Variants in GPR19 observed in about 807,000 individuals in gnomAD.
The protein encoded by GPR19 is probable G protein-coupled receptor 19.
A neutral mutation model predicts 28.5 loss-of-function variants in GPR19; 14 were observed. The ratio of observed to expected loss-of-function variants is 0.49; its 90% CI spans 0.32 to 0.77. The LOEUF is 0.77. Ranked by LOEUF, GPR19 falls within the 30% of genes least tolerant of loss-of-function variation. The pLI is 0.03. For synonymous variants in GPR19, 173 were observed against 184.1 expected, an observed-to-expected ratio of 0.94 and a Z score of 0.49; for missense variants, 409 against 504.1, an observed-to-expected ratio of 0.81 and a Z score of 1.81.
intron 2 of GPR19, among the ~76,000 whole-genome samples, chr12:12,689,909 TCACCAACCAG>T (rs1946159285): frequency 6.6e-6 from 1 of 152,200 alleles, no homozygotes; most frequent in African/African-American, 2.4e-5. Context: ...CCGAGGCTTC[TCACCAACCAG>T]CACCAACTAG....
At chr12:12,710,774 C>T in the GPR19 span, among the ~76,000 whole-genome samples, 1 of 152,150 alleles carries the variant, frequency 6.6e-6, no homozygotes, top group Non-Finnish European at 1.5e-5. Flanking sequence ...TTCCTGGCCT[C>T]AAGTAATCCT....
chr12:12,697,153 T>TAA (rs386375639), upstream of GPR19, among the ~76,000 whole-genome samples: 12,593 of 48,426 alleles, frequency 0.26, 2,886 homozygotes, highest in East Asian at 0.36. Flanking sequence ...TGAAGCGAAG[T>TAA]AAAAAAAAAA....
At chr12:12,717,233 G>C in the GPR19 span, 1 of 1,052,078 alleles carries the variant, frequency 9.5e-7, no homozygotes, top group Non-Finnish European at 1.1e-6. Context: ...GCGCGCTCGG[G>C]AACGAGGGGA....
At chr12:12,663,135 G>A (rs1051531519) in intron 3 of GPR19, among the ~76,000 whole-genome samples, 18 of 152,154 alleles carry the variant, frequency 1.2e-4, no homozygotes, top group African/African-American at 4.1e-4. Context: ...AGACGATACA[G>A]TTCATGCACT....
intron 2 of GPR19, among the ~76,000 whole-genome samples, chr12:12,693,669 A>G (rs891727413): frequency 6.6e-6 from 1 of 152,160 alleles, no homozygotes; most frequent in Non-Finnish European, 1.5e-5. Flanking sequence ...ATGATGCCCT[A>G]CTTATCTGCC....
chr12:12,709,483 C>T, the GPR19 span, among the ~76,000 whole-genome samples: 1 of 152,196 alleles, frequency 6.6e-6, no homozygotes, highest in Non-Finnish European at 1.5e-5. Flanking sequence ...CTCTGTTGCC[C>T]AAGCTGGAGT....
Position 12,661,968 on chromosome 12 carries a change from T to G in GPR19, c.481A>C (p.Ile161Leu). 6.2e-7 allele frequency: 1 copy of G among 1,614,108 alleles called. No individual in the cohort carries two copies. The highest frequency in any genetic ancestry group is 1.1e-5 in the South Asian group (1 of 91,078). The stretch of plus-strand genomic sequence containing the variant: ...TAGACGATGGTGTAGAACCGGTCTA[T>G]GCAGATGGAGAGGAGAACGTAGATC... ...VQIYVLLSICIDRFYTIVYPL... is the reference protein window; with the variant it reads ...VQIYVLLSICLDRFYTIVYPL... The change falls in exon 4 of 4, where the codon ATA (isoleucine) becomes CTA (leucine). Residue 161 changes from isoleucine to leucine, a missense_variant. Coordinates refer to ENST00000651487, the MANE Select transcript of GPR19 (RefSeq NM_006143.3). The surrounding 1 kb of genome is among the most constrained non-coding windows in gnomAD (Gnocchi z 4.2).
intron 2 of GPR19, among the ~76,000 whole-genome samples, chr12:12,686,448 G>T (rs1172404329): frequency 6.6e-6 from 1 of 152,180 alleles, no homozygotes; most frequent in African/African-American, 2.4e-5. Flanking sequence ...CAGCAGGTTG[G>T]TGACTTGGAT....
At chr12:12,712,005 C>T in the GPR19 span, among the ~76,000 whole-genome samples, 1 of 152,218 alleles carries the variant, frequency 6.6e-6, no homozygotes. Context: ...CCATCCTTTA[C>T]TCTGCCGTCA....
intron 3 of GPR19, among the ~76,000 whole-genome samples, chr12:12,670,957 A>G (rs1945848282): frequency 2.0e-5 from 3 of 152,174 alleles, no homozygotes; most frequent in African/African-American, 4.8e-5. Context: ...ATCAAAATAC[A>G]TAATACAACT....
intron 2 of GPR19, among the ~76,000 whole-genome samples, chr12:12,691,347 C>G (rs1946178207): frequency 6.6e-6 from 1 of 152,012 alleles, no homozygotes; most frequent in Non-Finnish European, 1.5e-5. Context: ...TAAACTCAAC[C>G]CCTGTGACCT....
intron 2 of GPR19, among the ~76,000 whole-genome samples, chr12:12,693,273 G>T (rs17820409): frequency 5.6e-4 from 85 of 152,276 alleles, no homozygotes; most frequent in Non-Finnish European, 9.1e-4. Flanking sequence ...TAGGCTACCG[G>T]AAAACACTTC....
chr12:12,686,171 A>G (rs1345879289), intron 2 of GPR19, among the ~76,000 whole-genome samples: 1 of 152,246 alleles, frequency 6.6e-6, no homozygotes, highest in African/African-American at 2.4e-5. Context: ...TTTTTGAAAG[A>G]CGAATGCTGA....
At chr12:12,690,952 G>A (rs1294058991) in intron 2 of GPR19, among the ~76,000 whole-genome samples, 3 of 152,108 alleles carry the variant, frequency 2.0e-5, no homozygotes, top group Admixed American at 1.3e-4. Context: ...TTCTGCATTC[G>A]AGTCTTAACC....
At chr12:12,709,840 C>T in the GPR19 span, among the ~76,000 whole-genome samples, 6 of 152,256 alleles carry the variant, frequency 3.9e-5, no homozygotes, top group East Asian at 1.2e-3. Context: ...GACTTGATTC[C>T]AAATTTTCGG....
At chr12:12,671,601 G>T (rs1242249453) in intron 3 of GPR19, among the ~76,000 whole-genome samples, 1 of 152,082 alleles carries the variant, frequency 6.6e-6, no homozygotes, top group African/African-American at 2.4e-5. Context: ...TGCTTTCATG[G>T]GAACATAATT....
At chr12:12,675,419 G>A (rs1317005621) in intron 3 of GPR19, among the ~76,000 whole-genome samples, 1 of 152,178 alleles carries the variant, frequency 6.6e-6, no homozygotes, top group Non-Finnish European at 1.5e-5. Context: ...GTAGTAGGCA[G>A]AATGGTTCCC....
intron 3 of GPR19, among the ~76,000 whole-genome samples, chr12:12,665,524 G>C (rs1012159190): frequency 3.9e-5 from 6 of 152,182 alleles, no homozygotes; most frequent in African/African-American, 1.4e-4. Context: ...AATAAGCCGA[G>C]AAACTGGGCT....
At chr12:12,680,987 C>A in intron 3 of GPR19, among the ~76,000 whole-genome samples, 1 of 152,178 alleles carries the variant, frequency 6.6e-6, no homozygotes, top group Non-Finnish European at 1.5e-5. Context: ...CCATGCCTGG[C>A]CTAAGGTCTC....
Sources: gnomAD v4.1 joint callset for allele counts (sites outside exome capture counted in the v4.1 genomes callset) on GRCh38, gnomAD v4.1.1 for gene constraint, Gnocchi (gnomAD v3.1) non-coding constraint, MANE v1.5 for transcripts, NCBI Gene and HGNC (gene_info 2026-07-23, HGNC 2026-07-21) for gene names.